The following SLCO2B1 variants were observed in gnomAD, a reference collection of about 807,000 sequenced individuals.
SLCO2B1 encodes OATP-RP2.
SLCO2B1 carries 41 observed loss-of-function variants against 67.3 expected under a neutral mutation model. That is an observed-to-expected ratio of 0.61 (90% CI 0.47 to 0.79). The LOEUF is 0.79. Ranked by LOEUF, SLCO2B1 falls within the 30% of genes least tolerant of loss-of-function variation. SLCO2B1 has a pLI of 0.00. For synonymous variants in SLCO2B1, 379 were observed against 381.4 expected, an observed-to-expected ratio of 0.99 and a Z score of 0.07; for missense variants, 837 against 920.1, an observed-to-expected ratio of 0.91 and a Z score of 1.17.
rs75058753 is a variant in SLCO2B1, at chr11:75,168,859, C to A, written c.449-314C>A. On this transcript the variant is annotated intron_variant, in intron 4 of 13. Coordinates refer to ENST00000289575, the MANE Select transcript of SLCO2B1 (RefSeq NM_007256.5). ...TACACCACCTTTGACCACCCCGCCCCACCCAGGGGCCACCGTTGCTATGGC... is the reference window on the plus strand; with the variant it reads ...TACACCACCTTTGACCACCCCGCCCAACCCAGGGGCCACCGTTGCTATGGC... Among the ~76,000 whole-genome samples, 580 of 152,350 alleles carry A rather than the reference C, an allele frequency of 3.8e-3. 3 individuals are homozygous for A. Among genetic ancestry groups the A allele is most frequent in the African/African-American group, 0.013 (552 of 41,580 alleles).
chr11:75,162,790 C>T lies in SLCO2B1; in HGVS notation c.147+5C>T, dbSNP rs369129084. 6 of 1,611,852 alleles carry T rather than the reference C, an allele frequency of 3.7e-6. No individual in the cohort carries two copies. Among genetic ancestry groups the T allele is most frequent in the Admixed American group, 1.7e-5 (1 of 59,436 alleles). The stretch of plus-strand genomic sequence containing the variant: ...AGTGTGTTCCATAACATCAAGGTAC[C>T]TCTCAGGGCCTGGCAGGGGCCTCCG... On this transcript the variant is annotated splice_donor_5th_base_variant and intron_variant, in intron 2 of 13. Transcript: ENST00000289575.
intron 7 of SLCO2B1, among the ~76,000 whole-genome samples, chr11:75,176,745 A>C (rs1177919547): frequency 6.6e-6 from 1 of 152,188 alleles, no homozygotes; most frequent in Non-Finnish European, 1.5e-5. Flanking sequence ...GGATTTGCCC[A>C]GCCAGGAGGC....
chr11:75,202,916 A>C lies in SLCO2B1; in HGVS notation c.1779A>C (p.Glu593Asp). Residue 593 changes from glutamate (E) to aspartate (D), a missense_variant, in exon 12 of 14, where the codon GAA (glutamate) becomes GAC (aspartate). Coordinates refer to ENST00000289575, the MANE Select transcript of SLCO2B1 (RefSeq NM_007256.5). ...FMLILRGVKK[E>D]DKTLAVGIQF... ...TGCTTGTTAGAGGAGTGAAGAAAGA[A>C]GACAAGACTTTGGCTGTGGGCATCC... The C allele has an allele frequency of 6.2e-7, 1 of 1,613,918 alleles. No homozygotes were observed. Among genetic ancestry groups the C allele is most frequent in the Non-Finnish European group, 8.5e-7 (1 of 1,179,974 alleles).
At chr11:75,165,987 G>T in intron 4 of SLCO2B1, 38 bp downstream of exon 4, 1 of 1,598,032 alleles carries the variant, frequency 6.3e-7, no homozygotes. Flanking sequence ...TGGGACGTTA[G>T]CCTCTGCATT....
At chr11:75,165,241 G>C (rs1317346511) in intron 3 of SLCO2B1, among the ~76,000 whole-genome samples, 2 of 152,078 alleles carry the variant, frequency 1.3e-5, no homozygotes, top group Non-Finnish European at 2.9e-5. Flanking sequence ...AGACCTGCCT[G>C]GCCGACATGG....
At chr11:75,160,609 G>C (rs1156361786) in intron 1 of SLCO2B1, among the ~76,000 whole-genome samples, 1 of 152,184 alleles carries the variant, frequency 6.6e-6, no homozygotes, top group Non-Finnish European at 1.5e-5. Context: ...CTCCCACTGA[G>C]TGTCCCATGA....
chr11:75,182,936 G>A (rs1950107177), intron 7 of SLCO2B1, among the ~76,000 whole-genome samples: 2 of 152,066 alleles, frequency 1.3e-5, no homozygotes, highest in African/African-American at 4.8e-5. Context: ...TGCTTCCTGG[G>A]GCAGCCCTCA....
intron 11 of SLCO2B1, chr11:75,201,429 G>A (rs1484516650): frequency 1.3e-5 from 2 of 152,162 alleles, no homozygotes; most frequent in African/African-American, 4.8e-5. Flanking sequence ...AATTAATTCT[G>A]CAGTGGACCC....
Position 75,204,669 on chromosome 11 carries a change from T to A in SLCO2B1, c.*89T>A. 8.3e-7 allele frequency: 1 copy of A among 1,204,900 alleles called. No individual in the cohort carries two copies. Among genetic ancestry groups the A allele is most frequent in the Non-Finnish European group, 1.1e-6 (1 of 879,624 alleles). The allele number at this position is 1,204,900 out of a possible 1,614,324, so 74.6% of individuals were successfully genotyped here. A position where few individuals can be genotyped will look rare whatever the true frequency, so the allele number is the denominator to read the frequency against. On this transcript the variant is annotated 3_prime_UTR_variant, in exon 14 of 14. Coordinates refer to ENST00000289575, the MANE Select transcript of SLCO2B1 (RefSeq NM_007256.5). ...GCCCAAGATTGGGTGTCAAGAGCCCTGTGTTCCATTCTGGCTCCTCCACTA... is the reference window on the plus strand; with the variant it reads ...GCCCAAGATTGGGTGTCAAGAGCCCAGTGTTCCATTCTGGCTCCTCCACTA...
At chr11:75,199,520 C>G (rs1244278534) in intron 10 of SLCO2B1, 1 of 152,482 alleles carries the variant, frequency 6.6e-6, no homozygotes, top group Non-Finnish European at 1.5e-5. Context: ...CAGCATCCAC[C>G]TCAGGGATTC....
At position 75,203,347 on chromosome 11, in the gene SLCO2B1, C is replaced by T. The variant is rs139696725; in HGVS notation, c.1869C>T (p.Asp623=). ...CCGTGATCCACGGCAGCGCCATCGA[C>T]ACCACCTGTGTGCACTGGGCCCTGA... The part of the protein sequence containing the change: ...PSPVIHGSAI[D]TTCVHWALSC... Residue 623 remains aspartate (D), a synonymous_variant, in exon 13 of 14, where the codon GAC becomes GAT. Coordinates refer to ENST00000289575, the MANE Select transcript of SLCO2B1 (RefSeq NM_007256.5). The T allele has an allele frequency of 8.1e-5, 130 of 1,614,148 alleles. No individual in the cohort carries two copies. Among genetic ancestry groups the T allele is most frequent in the African/African-American group, 7.1e-4 (53 of 75,056 alleles).
intron 12 of SLCO2B1, 136 bp from the exon 13 acceptor site, chr11:75,203,171 A>G: frequency 1.5e-5 from 20 of 1,325,312 alleles, no homozygotes; most frequent in Non-Finnish European, 2.0e-5. Context: ...CCTCGGATGC[A>G]GGGGTGGGGC....
Position 75,196,594 on chromosome 11 carries a change from A to G in SLCO2B1, c.1514A>G (p.Asp505Gly). The G allele has an allele frequency of 6.2e-7, 1 of 1,613,602 alleles. No individual in the cohort carries two copies. The highest frequency in any genetic ancestry group is 8.5e-7 in the Non-Finnish European group (1 of 1,179,972). ...CPLDGFNPVC[D>G]PSTRVEYITP... ...TTGGACGGCTTTAACCCTGTCTGCG[A>G]CCCCAGCACTCGTGTGGAATACATC... Residue 505 changes from aspartate to glycine, a missense_variant, in exon 10 of 14, where the codon GAC becomes GGC. Coordinates refer to ENST00000289575, the MANE Select transcript of SLCO2B1 (RefSeq NM_007256.5).
intron 7 of SLCO2B1, among the ~76,000 whole-genome samples, chr11:75,175,394 A>G (rs1565539846): frequency 6.6e-6 from 1 of 152,150 alleles, no homozygotes; most frequent in Non-Finnish European, 1.5e-5. Context: ...GCCCCCAGAC[A>G]TGGGATGTGT....
intron 1 of SLCO2B1, among the ~76,000 whole-genome samples, chr11:75,152,798 G>A (rs1227295300): frequency 6.6e-6 from 1 of 152,164 alleles, no homozygotes; most frequent in Non-Finnish European, 1.5e-5. Flanking sequence ...GCCATTGGGT[G>A]CCATCTCTAG....
At position 75,169,475 on chromosome 11, in the gene SLCO2B1, A is replaced by C. The variant is rs565434242; in HGVS notation, c.682+69A>C. 619 of 1,423,326 alleles carry C rather than the reference A, an allele frequency of 4.3e-4. 2 individuals carry two copies. The highest frequency in any genetic ancestry group is 2.3e-3 in the South Asian group (172 of 74,874). The allele number at this position is 1,423,326 out of a possible 1,614,324, so 88.2% of individuals were successfully genotyped here. A position where few individuals can be genotyped will look rare whatever the true frequency, so the allele number is the denominator to read the frequency against. On this transcript the variant is annotated intron_variant, in intron 5 of 13. Coordinates refer to ENST00000289575, the MANE Select transcript of SLCO2B1 (RefSeq NM_007256.5). ...GCTCAACTAGGAGGAAGAGAGACCC[A>C]GGGTTGGGGCTGGAGATGGAATCCC... is the stretch of plus-strand genomic sequence containing the variant.
intron 7 of SLCO2B1, among the ~76,000 whole-genome samples, chr11:75,187,699 A>G (rs1944956509): frequency 1.3e-5 from 2 of 152,154 alleles, no homozygotes; most frequent in Non-Finnish European, 2.9e-5. Flanking sequence ...CATGACAGAG[A>G]CAACAATAAC....
chr11:75,202,598 G>A, intron 11 of SLCO2B1: 1 of 394,630 alleles, frequency 2.5e-6, no homozygotes, highest in Admixed American at 3.7e-5. Context: ...GGAGTAAGGG[G>A]AGAATTTGAT....
chr11:75,203,684 CAG>C (rs994502769), intron 13 of SLCO2B1: 9 of 465,018 alleles, frequency 1.9e-5, no homozygotes, highest in African/African-American at 1.8e-4. Context: ...GCCTTGACCA[CAG>C]AGTCTATGCA....
Sources: gnomAD v4.1 joint callset for allele counts (sites outside exome capture counted in the v4.1 genomes callset) on GRCh38, gnomAD v4.1.1 for gene constraint, MANE v1.5 for transcripts, NCBI Gene and HGNC (gene_info 2026-07-23, HGNC 2026-07-21) for gene names.